EPHA3: variants seen among roughly 807,000 people sequenced by gnomAD.
EPHA3 encodes EPH receptor A3, also known as ephrin type-A receptor 3.
In EPHA3, 42 loss-of-function variants were observed where a neutral mutation model predicts 107.1. That is an observed-to-expected ratio of 0.39 (90% CI 0.31 to 0.51). The LOEUF is 0.51. Ranked by LOEUF, EPHA3 falls within the 20% of genes least tolerant of loss-of-function variation. The pLI, the probability that EPHA3 is intolerant of heterozygous loss-of-function variation, is 0.78. For synonymous variants in EPHA3, 461 were observed against 424.8 expected, an observed-to-expected ratio of 1.09 and a Z score of -1.05; for missense variants, 1,183 against 1,211.2, an observed-to-expected ratio of 0.98 and a Z score of 0.35.
chr3:89,207,769 T>C (rs796988680), intron 2 of EPHA3, among the ~76,000 whole-genome samples: 30 of 152,228 alleles, frequency 2.0e-4, no homozygotes, highest in African/African-American at 7.0e-4. Context: ...TTAAATATTT[T>C]CTCTAAGAAA....
intron 1 of EPHA3, among the ~76,000 whole-genome samples, chr3:89,108,566 C>G (rs1707027640): frequency 1.3e-5 from 2 of 152,120 alleles, no homozygotes; most frequent in Admixed American, 1.3e-4. Context: ...TAGTAAATAA[C>G]TGAATAGTAG....
At chr3:89,168,566 A>G (rs563277230) in intron 2 of EPHA3, among the ~76,000 whole-genome samples, 23 of 152,200 alleles carry the variant, frequency 1.5e-4, no homozygotes, top group African/African-American at 5.3e-4. Flanking sequence ...ATGGTAATTA[A>G]GAGACTTCCT....
chr3:89,298,037 A>G (rs1451071920), intron 3 of EPHA3, among the ~76,000 whole-genome samples: 7 of 152,122 alleles, frequency 4.6e-5, no homozygotes, highest in Non-Finnish European at 7.4e-5. Context: ...TTCCTCTCAA[A>G]AAACAAAACA....
chr3:89,413,039 T>C (rs192350936), intron 9 of EPHA3, 102 bp from the exon 10 acceptor site: 1 of 1,488,838 alleles, frequency 6.7e-7, no homozygotes, highest in Non-Finnish European at 9.2e-7. Context: ...GTGCACCTTA[T>C]GGGGTAGGGA....
intron 5 of EPHA3, among the ~76,000 whole-genome samples, chr3:89,367,614 A>G (rs139448681): frequency 1.7e-4 from 25 of 150,982 alleles, no homozygotes; most frequent in African/African-American, 5.8e-4. Flanking sequence ...CCTCGAAATT[A>G]AGATTCCTCT....
chr3:89,251,083 T>C (rs1375064614), intron 3 of EPHA3, among the ~76,000 whole-genome samples: 1 of 152,186 alleles, frequency 6.6e-6, no homozygotes, highest in African/African-American at 2.4e-5. Flanking sequence ...GTCAGGCATA[T>C]AGAATAATGT....
chr3:89,396,240 A>G (rs975621092), intron 6 of EPHA3, among the ~76,000 whole-genome samples: 2 of 152,172 alleles, frequency 1.3e-5, no homozygotes, highest in African/African-American at 2.4e-5. Flanking sequence ...CCTTTACACC[A>G]AGACCCCTAC....
intron 5 of EPHA3, among the ~76,000 whole-genome samples, chr3:89,372,897 C>T (rs1708335467): frequency 6.6e-6 from 1 of 151,668 alleles, no homozygotes; most frequent in Non-Finnish European, 1.5e-5. Flanking sequence ...GCTAAAACCA[C>T]AAAAGAACCA....
chr3:89,319,331 A>G (rs1419063116), intron 3 of EPHA3, among the ~76,000 whole-genome samples: 1 of 151,960 alleles, frequency 6.6e-6, no homozygotes, highest in Admixed American at 6.6e-5. Context: ...GTATGCATGT[A>G]TGTATGCATG....
At chr3:89,330,494 A>G (rs1707261104) in intron 3 of EPHA3, among the ~76,000 whole-genome samples, 1 of 152,098 alleles carries the variant, frequency 6.6e-6, no homozygotes. Context: ...ATAAAGTGGG[A>G]TGGAAAGCTG....
chr3:89,452,648 G>C (rs554826698), intron 15 of EPHA3, among the ~76,000 whole-genome samples: 1 of 152,096 alleles, frequency 6.6e-6, no homozygotes, highest in Non-Finnish European at 1.5e-5. Flanking sequence ...TCTGTGGATT[G>C]CCTTTCATTT....
intron 2 of EPHA3, among the ~76,000 whole-genome samples, chr3:89,196,813 T>C (rs751336897): frequency 5.3e-5 from 8 of 152,254 alleles, no homozygotes; most frequent in Middle Eastern, 3.4e-3. Context: ...TTCAATAGCA[T>C]AAATCACATT....
intron 3 of EPHA3, among the ~76,000 whole-genome samples, chr3:89,220,406 A>AT (rs562224899): frequency 3.7e-4 from 56 of 152,204 alleles, no homozygotes; most frequent in African/African-American, 1.2e-3. Context: ...ACTAAGATGG[A>AT]TTTTTTTCTG....
rs1704853654 is a variant in EPHA3 at position 89,158,491 on chromosome 3, ATTTG to A, written c.153+31222_153+31225del. Among the ~76,000 whole-genome samples the A allele has an allele frequency of 2.6e-5, 4 of 152,152 alleles. No homozygotes were observed. The South Asian group carries it at 8.3e-4, about 31-fold the overall frequency. Reference sequence around the variant, plus strand: ...ATTTAGTCTGGTCAAGAATTCCTAAATTTGTTTATCAGAAAACAATGTATTATTA... The same window carrying A: ...ATTTAGTCTGGTCAAGAATTCCTAAATTTATCAGAAAACAATGTATTATTA... On this transcript the variant is annotated intron_variant, in intron 2 of 16. Transcript: ENST00000336596.
intron 3 of EPHA3, among the ~76,000 whole-genome samples, chr3:89,335,834 G>A (rs1351508783): frequency 6.6e-6 from 1 of 152,130 alleles, no homozygotes; most frequent in Non-Finnish European, 1.5e-5. Context: ...TAAGATCCAT[G>A]AATAATTTTT....
At chr3:89,231,769 A>G (rs1704640486) in intron 3 of EPHA3, among the ~76,000 whole-genome samples, 1 of 152,208 alleles carries the variant, frequency 6.6e-6, no homozygotes, top group South Asian at 2.1e-4. Context: ...ACAAGAGGAA[A>G]TAATACATCT....
intron 7 of EPHA3, among the ~76,000 whole-genome samples, chr3:89,401,937 A>G (rs1708972249): frequency 6.6e-6 from 1 of 152,218 alleles, no homozygotes; most frequent in African/African-American, 2.4e-5. Context: ...TTGATTTATC[A>G]GGAGAGATCC....
At chr3:89,418,247 T>C (rs1709285627) in intron 10 of EPHA3, among the ~76,000 whole-genome samples, 1 of 151,450 alleles carries the variant, frequency 6.6e-6, no homozygotes, top group African/African-American at 2.4e-5. Flanking sequence ...TTTAATGTGA[T>C]GCAAAACATA....
chr3:89,333,992 A>T (rs1707345513), intron 3 of EPHA3, among the ~76,000 whole-genome samples: 1 of 152,166 alleles, frequency 6.6e-6, no homozygotes, highest in Non-Finnish European at 1.5e-5. Flanking sequence ...AAGAGAAAAT[A>T]TCTTATATTT....
Sources: allele counts gnomAD v4.1 joint callset (sites outside exome capture counted in the v4.1 genomes callset), GRCh38; gene constraint gnomAD v4.1.1; transcripts MANE v1.5; gene names NCBI Gene and HGNC (gene_info 2026-07-23, HGNC 2026-07-21).